CACNA2D4: variants seen among roughly 807,000 people sequenced by gnomAD.
CACNA2D4 encodes the protein voltage-dependent calcium channel subunit alpha-2/delta-4.
A neutral mutation model predicts 163.8 loss-of-function variants in CACNA2D4; 157 were observed. The ratio of observed to expected loss-of-function variants is 0.96; its 90% CI spans 0.84 to 1.09. The LOEUF (loss-of-function observed/expected upper bound fraction) is 1.09, where lower values mean the gene tolerates loss of function less well. CACNA2D4 is among the 50% of genes least tolerant of loss of function. CACNA2D4 has a pLI of 0.00. For missense variants in CACNA2D4, 1,410 were observed against 1,479.9 expected, an observed-to-expected ratio of 0.95 and a Z score of 0.78; for synonymous variants, 598 against 586.9, an observed-to-expected ratio of 1.02 and a Z score of -0.27.
intron 18 of CACNA2D4, among the ~76,000 whole-genome samples, chr12:1,873,232 ATGGTCATGATCG>A (rs1282232234): frequency 6.6e-6 from 1 of 152,198 alleles, no homozygotes; most frequent in African/African-American, 2.4e-5. Context: ...AACGTCCATT[ATGGTCATGATCG>A]TCGTCATCCT....
chr12:1,871,194 G>C (rs2154449094), intron 18 of CACNA2D4, among the ~76,000 whole-genome samples: 1 of 151,016 alleles, frequency 6.6e-6, no homozygotes, highest in East Asian at 2.0e-4. Context: ...CGTGTTGCTG[G>C]TGTGTGTACA....
intron 25 of CACNA2D4, among the ~76,000 whole-genome samples, chr12:1,842,162 C>T (rs748457442): frequency 2.6e-5 from 4 of 152,152 alleles, no homozygotes; most frequent in Admixed American, 6.5e-5. Context: ...CCTGGCTCAC[C>T]GTGGCTACCT....
intron 24 of CACNA2D4, among the ~76,000 whole-genome samples, chr12:1,845,287 C>T (rs1350311817): frequency 1.3e-5 from 2 of 149,952 alleles, no homozygotes; most frequent in East Asian, 4.0e-4. Flanking sequence ...CTGTCTGCCT[C>T]GAATCTCCTG....
At position 1,918,537 on chromosome 12, in the gene CACNA2D4, C is replaced by T. The variant is rs981390187; in HGVS notation, c.-64G>A. The T allele has an allele frequency of 1.3e-4, 177 of 1,340,594 alleles. 1 individual carries two copies. In the African/African-American group the frequency reaches 2.1e-3, roughly 16 times the overall value. The allele number at this position is 1,340,594 out of a possible 1,614,324, so 83.0% of individuals were successfully genotyped here. On this transcript the variant is annotated 5_prime_UTR_variant, in exon 1 of 38. Transcript: ENST00000382722. The stretch of plus-strand genomic sequence containing the variant: ...CAGGCCTTTGTCTTCCGTGCCTTGG[C>T]GAGCCTGGGGTCTCCAGCCTCTCAG...
Position 1,828,241 on chromosome 12 carries a change from G to T in CACNA2D4, c.2551+12498C>A. The stretch of plus-strand genomic sequence containing the variant: ...GTGAGTACACCCCTGGCCTCGGAGG[G>T]GGGTGCGGGTTGGGTGGGGGTGCCG... On this transcript the variant is annotated intron_variant, in intron 26 of 37. Transcript: ENST00000382722. The surrounding 1 kb of genome is among the most constrained non-coding windows in gnomAD (Gnocchi z 4.2). 3.3e-6 allele frequency: 5 copies of T among 1,531,368 alleles called. No individual in the cohort carries two copies. The South Asian group carries it at 3.7e-5, about 11-fold the overall frequency. The allele number at this position is 1,531,368 out of a possible 1,614,324, so 94.9% of individuals were successfully genotyped here.
chr12:1,843,601 GC>G lies in CACNA2D4; in HGVS notation c.2470+800del, dbSNP rs1214277780. ...CATGCACTCTGGGATCCCTGGACAA[GC>G]CCCGGAAGCTCCCTGGGCCACAGTC... On this transcript the variant is annotated intron_variant, in intron 25 of 37. Coordinates refer to ENST00000382722, the MANE Select transcript of CACNA2D4 (RefSeq NM_172364.5). The surrounding 1 kb of genome is among the most constrained non-coding windows in gnomAD (Gnocchi z 4.6). Among the ~76,000 whole-genome samples the G allele has an allele frequency of 1.3e-5, 2 of 152,224 alleles. No individual in the cohort carries two copies. The highest frequency in any genetic ancestry group is 4.8e-5 in the African/African-American group (2 of 41,448).
Position 1,834,255 on chromosome 12 carries a change from T to C in CACNA2D4, c.2551+6484A>G. 1 of 1,540,424 alleles carries C rather than the reference T, an allele frequency of 6.5e-7. No individual in the cohort carries two copies. Among genetic ancestry groups the C allele is most frequent in the East Asian group, 2.3e-5 (1 of 44,082 alleles). Reference sequence around the variant, plus strand: ...TGCCTGGTCAGCCCCTCTTTTTCTCTTCTGCATGTAGGGGGACGCTTGGAC... The same window carrying C: ...TGCCTGGTCAGCCCCTCTTTTTCTCCTCTGCATGTAGGGGGACGCTTGGAC... On this transcript the variant is annotated intron_variant, in intron 26 of 37. Transcript: ENST00000382722. The surrounding 1 kb of genome is among the most constrained non-coding windows in gnomAD (Gnocchi z 7.6).
At chr12:1,801,374 T>A (rs1030025686) in intron 30 of CACNA2D4, among the ~76,000 whole-genome samples, 200 bp downstream of exon 30, 4 of 152,150 alleles carry the variant, frequency 2.6e-5, no homozygotes, top group African/African-American at 9.7e-5. Context: ...GCGGAGCCCC[T>A]CCCAGGGATG....
In CACNA2D4 at chr12:1,843,509, T is replaced by C. The variant is rs759033167; in HGVS notation, c.2470+893A>G. On this transcript the variant is annotated intron_variant, in intron 25 of 37. Coordinates refer to ENST00000382722, the MANE Select transcript of CACNA2D4 (RefSeq NM_172364.5). This position sits in a 1 kb window ranked among gnomAD's most constrained non-coding sequence, Gnocchi z 4.6. ...CACACTCTCCAGGCCCCTGGATCCA[T>C]GTGCTGGAATGGGATCAGCCGCCCC... Among the ~76,000 whole-genome samples, 17 of 152,100 alleles carry C rather than the reference T, an allele frequency of 1.1e-4. No individual in the cohort carries two copies. Among genetic ancestry groups the C allele is most frequent in the Admixed American group, 2.0e-4 (3 of 15,280 alleles).
At chr12:1,816,547 T>C (rs1372773339) in intron 26 of CACNA2D4, among the ~76,000 whole-genome samples, 1 of 152,154 alleles carries the variant, frequency 6.6e-6, no homozygotes, top group Non-Finnish European at 1.5e-5. Flanking sequence ...CCTCTCCACA[T>C]TGATCTCGTG....
intron 18 of CACNA2D4, among the ~76,000 whole-genome samples, chr12:1,870,994 AG>A (rs1865758056): frequency 6.6e-6 from 1 of 152,212 alleles, no homozygotes; most frequent in Admixed American, 6.5e-5. Flanking sequence ...AGGGCACTGG[AG>A]GAACACGAGG....
chr12:1,891,325 T>C (rs1866275900), intron 6 of CACNA2D4, among the ~76,000 whole-genome samples: 1 of 152,194 alleles, frequency 6.6e-6, no homozygotes, highest in African/African-American at 2.4e-5. Flanking sequence ...CCACAGACGC[T>C]GTTTATAGCT....
At chr12:1,824,141 C>T (rs914320820) in intron 26 of CACNA2D4, among the ~76,000 whole-genome samples, 1 of 152,210 alleles carries the variant, frequency 6.6e-6, no homozygotes, top group African/African-American at 2.4e-5. Context: ...TCCCAGTTAG[C>T]TTCTCAGTGG....
rs562240258 is a variant in CACNA2D4, at chr12:1,887,252, C to G, written c.782-183G>C. Among the ~76,000 whole-genome samples, 4 of 152,282 alleles carry G rather than the reference C, an allele frequency of 2.6e-5. No homozygotes were observed. In the South Asian group the frequency reaches 8.3e-4, roughly 32 times the overall value. On this transcript the variant is annotated intron_variant, in intron 6 of 37. Coordinates refer to ENST00000382722, the MANE Select transcript of CACNA2D4 (RefSeq NM_172364.5). ...AGACAAGCTGGCAAGGAGACATCTA[C>G]CAGCCAAACTGCCCAGATGCAGAGC...
chr12:1,831,486 C>T (rs754176760), intron 26 of CACNA2D4: 4 of 1,613,844 alleles, frequency 2.5e-6, no homozygotes, highest in East Asian at 2.2e-5. Flanking sequence ...CTGTAACCTG[C>T]GTGAGTTCAA....
At position 1,799,720 on chromosome 12, in the gene CACNA2D4, AG is replaced by A. The variant is rs1240943736; in HGVS notation, c.2975-26del. The A allele has an allele frequency of 1.5e-5, 24 of 1,567,324 alleles. No individual in the cohort carries two copies. The highest frequency in any genetic ancestry group is 2.1e-5 in the Non-Finnish European group (24 of 1,156,458). ...GCTGGCCGGAACATAAGCCCAGCAC[AG>A]GGTGGACACGGCACAGGAAAACATG... On this transcript the variant is annotated intron_variant, in intron 33 of 37. Transcript: ENST00000382722. This position sits in a 1 kb window ranked among gnomAD's most constrained non-coding sequence, Gnocchi z 4.7.
At chr12:1,807,115 C>T (rs563612419) in intron 29 of CACNA2D4, among the ~76,000 whole-genome samples, 5 of 151,920 alleles carry the variant, frequency 3.3e-5, no homozygotes, top group East Asian at 2.0e-4. Flanking sequence ...GATGGGGTGT[C>T]GCTTCTGACA....
At chr12:1,804,447 A>C (rs556482361) in intron 29 of CACNA2D4, among the ~76,000 whole-genome samples, 147 of 152,256 alleles carry the variant, frequency 9.7e-4, no homozygotes, top group African/African-American at 3.4e-3. Context: ...TAGACCCTGG[A>C]TTCTGAGAAG....
At chr12:1,901,306 A>C (rs986759347) in intron 6 of CACNA2D4, among the ~76,000 whole-genome samples, 2 of 152,118 alleles carry the variant, frequency 1.3e-5, no homozygotes, top group African/African-American at 4.8e-5. Flanking sequence ...ACAAAAGCAA[A>C]CCAAACCAAA....
Sources: gnomAD v4.1 joint callset for allele counts (sites outside exome capture counted in the v4.1 genomes callset) on GRCh38, gnomAD v4.1.1 for gene constraint, Gnocchi (gnomAD v3.1) non-coding constraint, MANE v1.5 for transcripts, NCBI Gene and HGNC (gene_info 2026-07-23, HGNC 2026-07-21) for gene names.